Variants in IL1RAPL2 observed in about 807,000 individuals in gnomAD.
IL1RAPL2 encodes X-linked interleukin-1 receptor accessory protein-like 2.
A neutral mutation model predicts 44.1 loss-of-function variants in IL1RAPL2; 3 were observed. That is an observed-to-expected ratio of 0.07 (90% confidence interval 0.03 to 0.18). The LOEUF is 0.18. IL1RAPL2 is among the 10% of genes least tolerant of loss of function. IL1RAPL2 has a pLI of 1.00. For missense variants in IL1RAPL2, 391 were observed against 496.4 expected (o/e 0.79, Z 2.02); for synonymous variants, 181 against 178.8 (o/e 1.01, Z -0.10).
chrX:104,772,161 T>C (rs1188851750), intron 2 of IL1RAPL2, among the ~76,000 whole-genome samples: 1 of 111,834 alleles, frequency 8.9e-6, no homozygotes, highest in African/African-American at 3.2e-5. Flanking sequence ...TTAGCCTTTC[T>C]TTCAGGATGA....
chrX:105,044,552 A>G (rs1042500632), intron 2 of IL1RAPL2, among the ~76,000 whole-genome samples: 2 of 111,603 alleles, frequency 1.8e-5, no homozygotes, highest in East Asian at 5.7e-4. Flanking sequence ...GAGGAGGGGG[A>G]TGCAAAGGCA....
Position 104,893,111 on chromosome X carries a change from T to C in IL1RAPL2, c.82+234116T>C, listed in dbSNP as rs1923514948. Among the ~76,000 whole-genome samples the C allele has an allele frequency of 2.7e-5, 3 of 112,201 alleles. No homozygotes were observed. In the Admixed American group the frequency reaches 2.8e-4, roughly 11 times the overall value. The stretch of plus-strand genomic sequence containing the variant: ...GTAGTTGAGTGGTTTTGAGTGAGTT[T>C]CTTAATCCTGAGTTCTAGTTTGATT... On this transcript the variant is annotated intron_variant, in intron 2 of 10. Transcript: ENST00000372582.
chrX:105,031,151 G>C (rs995545166), intron 2 of IL1RAPL2, among the ~76,000 whole-genome samples: 2 of 110,187 alleles, frequency 1.8e-5, no homozygotes, highest in African/African-American at 6.6e-5. Flanking sequence ...GGGCTGAGAC[G>C]ATGGGGTTTT....
At chrX:104,608,051 A>C (rs919926611) in intron 1 of IL1RAPL2, among the ~76,000 whole-genome samples, 1 of 106,621 alleles carries the variant, frequency 9.4e-6, no homozygotes, top group South Asian at 3.8e-4. Flanking sequence ...ATGCAGCCAT[A>C]AAAAAGGATG....
At chrX:104,847,025 C>T (rs898724639) in intron 2 of IL1RAPL2, among the ~76,000 whole-genome samples, 3 of 111,930 alleles carry the variant, frequency 2.7e-5, no homozygotes, top group Non-Finnish European at 5.6e-5. Context: ...ATATCCTTTG[C>T]CCACTTTTTG....
At chrX:105,460,690 C>T (rs1038035152) in intron 5 of IL1RAPL2, among the ~76,000 whole-genome samples, 18 of 111,522 alleles carry the variant, frequency 1.6e-4, no homozygotes, top group African/African-American at 5.5e-4. Flanking sequence ...CTAAACATAC[C>T]AAAAGTATCT....
At chrX:105,406,249 T>A (rs2035643547) in intron 5 of IL1RAPL2, 1 of 1,095,667 alleles carries the variant, frequency 9.1e-7, no homozygotes, top group African/African-American at 1.8e-5. Context: ...AGGACAAAAG[T>A]GTCTGGGGAA....
intron 2 of IL1RAPL2, among the ~76,000 whole-genome samples, chrX:104,980,904 A>G (rs1018131239): frequency 1.8e-5 from 2 of 111,385 alleles, no homozygotes; most frequent in African/African-American, 6.5e-5. Context: ...GCTTTGGGCA[A>G]TGTGACCATT....
chrX:104,992,286 G>A, intron 2 of IL1RAPL2, among the ~76,000 whole-genome samples: 1 of 111,315 alleles, frequency 9.0e-6, no homozygotes. Context: ...TGGCAGCTGT[G>A]TGATAAGCAG....
intron 6 of IL1RAPL2, among the ~76,000 whole-genome samples, chrX:105,701,608 A>ACCTG (rs746611491): frequency 1.8e-5 from 2 of 110,385 alleles, no homozygotes; most frequent in African/African-American, 6.6e-5. Context: ...CCACTTACCT[A>ACCTG]CCTGCCTGCC....
Position 104,677,970 on chromosome X carries a change from G to A in IL1RAPL2, c.82+18975G>A, listed in dbSNP as rs774446243. The stretch of plus-strand genomic sequence containing the variant: ...CTGCTTCGGCTCGCGCATGGTGCGC[G>A]CACCCACTGACCTGCGCCCACTGTC... On this transcript the variant is annotated intron_variant, in intron 2 of 10. Coordinates refer to ENST00000372582, the MANE Select transcript of IL1RAPL2 (RefSeq NM_017416.2). Among the ~76,000 whole-genome samples the A allele has an allele frequency of 7.1e-5, 8 of 112,235 alleles. No homozygotes were observed. In the East Asian group the frequency reaches 1.7e-3, roughly 24 times the overall value.
At chrX:105,289,227 G>A (rs764794936) in intron 5 of IL1RAPL2, among the ~76,000 whole-genome samples, 23 of 110,902 alleles carry the variant, frequency 2.1e-4, no homozygotes, top group Middle Eastern at 9.3e-3. Flanking sequence ...AGAAAATTAG[G>A]AGATGAGGTC....
chrX:105,010,328 CTGAA>C (rs1340977602), intron 2 of IL1RAPL2, among the ~76,000 whole-genome samples: 5 of 111,303 alleles, frequency 4.5e-5, no homozygotes, highest in African/African-American at 1.6e-4. Context: ...GGGATGGACT[CTGAA>C]TGTTTCATTT....
At chrX:105,318,134 G>C (rs867370904) in intron 5 of IL1RAPL2, among the ~76,000 whole-genome samples, 2 of 110,401 alleles carry the variant, frequency 1.8e-5, no homozygotes, top group African/African-American at 6.6e-5. Context: ...CACCACGCCT[G>C]GCTAATTTTT....
intron 2 of IL1RAPL2, among the ~76,000 whole-genome samples, chrX:104,849,998 T>C (rs968442584): frequency 1.8e-5 from 2 of 111,421 alleles, no homozygotes; most frequent in Non-Finnish European, 3.8e-5. Flanking sequence ...CAAAAGATCC[T>C]ATAGGTTTTA....
chrX:104,820,379 G>T (rs1015877741), intron 2 of IL1RAPL2, among the ~76,000 whole-genome samples: 3 of 111,486 alleles, frequency 2.7e-5, no homozygotes. Flanking sequence ...CCCATATTTT[G>T]CTTGGTCTAG....
intron 4 of IL1RAPL2, among the ~76,000 whole-genome samples, chrX:105,244,463 C>G (rs2034202265): frequency 9.0e-6 from 1 of 111,717 alleles, no homozygotes. Context: ...ATTACCAGAT[C>G]CAATCTGATC....
chrX:105,748,952 C>T lies in IL1RAPL2; in HGVS notation c.1049-8C>T, dbSNP rs1280069429. ...ATTACCTTTTCCTGTTTATTCTGTTCGCTCCAGATTTAATCTATAAAATTG... is the reference window on the plus strand; with the variant it reads ...ATTACCTTTTCCTGTTTATTCTGTTTGCTCCAGATTTAATCTATAAAATTG... On this transcript the variant is annotated splice_region_variant and splice_polypyrimidine_tract_variant and intron_variant, in intron 8 of 10. Coordinates refer to ENST00000372582, the MANE Select transcript of IL1RAPL2 (RefSeq NM_017416.2). 5.0e-6 allele frequency: 6 copies of T among 1,204,057 alleles called. No homozygotes were observed. In the African/African-American group the frequency reaches 7.0e-5, roughly 14 times the overall value.
At chrX:105,322,651 C>T (rs1400051171) in intron 5 of IL1RAPL2, among the ~76,000 whole-genome samples, 1 of 112,061 alleles carries the variant, frequency 8.9e-6, no homozygotes, top group Non-Finnish European at 1.9e-5. Context: ...AACAGAATAG[C>T]ATCTCTGCCA....
Sources: allele counts gnomAD v4.1 joint callset (sites outside exome capture counted in the v4.1 genomes callset), GRCh38; gene constraint gnomAD v4.1.1; transcripts MANE v1.5; gene names NCBI Gene and HGNC (gene_info 2026-07-23, HGNC 2026-07-21).